Variants in ROBO1 observed in about 807,000 individuals in gnomAD.
ROBO1 encodes roundabout homolog 1.
A neutral mutation model predicts 195.9 loss-of-function variants in ROBO1; 149 were observed. The ratio of observed to expected loss-of-function variants is 0.76; its 90% CI spans 0.67 to 0.87. The LOEUF is 0.87. ROBO1 is among the 40% of genes least tolerant of loss of function. ROBO1 has a pLI of 0.00. For missense variants in ROBO1, 1,933 were observed against 2,068.3 expected, an observed-to-expected ratio of 0.93 and a Z score of 1.27; for synonymous variants, 816 against 733.2, an observed-to-expected ratio of 1.11 and a Z score of -1.82.
intron 3 of ROBO1, among the ~76,000 whole-genome samples, chr3:78,975,156 T>C (rs769789587): frequency 2.6e-4 from 40 of 152,286 alleles, no homozygotes; most frequent in Admixed American, 7.2e-4. Context: ...AAACGGGTCC[T>C]GCCTCTAAAA....
intron 2 of ROBO1, 42 bp from the exon 3 acceptor site, chr3:79,125,581 G>A (rs377435757): frequency 2.7e-6 from 4 of 1,473,994 alleles, no homozygotes; most frequent in East Asian, 2.3e-5. Flanking sequence ...GGTCACAGTA[G>A]TAACAGTAGT....
chr3:79,463,238 G>T (rs928331541), intron 2 of ROBO1, among the ~76,000 whole-genome samples: 1 of 152,106 alleles, frequency 6.6e-6, no homozygotes, highest in Admixed American at 6.5e-5. Context: ...AGCTGGGCGT[G>T]GTGGCGGGCG....
chr3:79,252,039 A>C (rs896463139), intron 2 of ROBO1, among the ~76,000 whole-genome samples: 16 of 152,032 alleles, frequency 1.1e-4, no homozygotes, highest in Non-Finnish European at 2.1e-4. Context: ...AAAAAAGAAC[A>C]ACCAATATGT....
In ROBO1 at chr3:78,617,761, C is replaced by T. The variant is rs777460645; in HGVS notation, c.4156G>A (p.Gly1386Arg). The change falls in exon 27 of 31, where the codon GGA (glycine) becomes AGA (arginine). Residue 1386 changes from glycine to arginine, a missense_variant. Gly to Arg is a moderately radical substitution (Grantham distance 125). Transcript: ENST00000464233. ...SASEEDNISS[G>R]RSSVSSSDGS... ...TCCGAAGAACTAACACTGGAGCGTC[C>T]GCTGGAAATGTTGTCCTCCTCTGAG... 3 of 1,613,922 alleles carry T rather than the reference C, an allele frequency of 1.9e-6. No homozygotes were observed. Among genetic ancestry groups the T allele is most frequent in the South Asian group, 1.1e-5 (1 of 91,088 alleles).
At chr3:79,354,915 C>G (rs1034007154) in intron 2 of ROBO1, among the ~76,000 whole-genome samples, 1 of 152,146 alleles carries the variant, frequency 6.6e-6, no homozygotes, top group South Asian at 2.1e-4. Flanking sequence ...CGCCTGTAAT[C>G]CCAACACTTT....
rs111983098 is a variant in ROBO1, at chr3:79,535,888, T to G, written c.88+53936A>C. Among the ~76,000 whole-genome samples, 1,019 of 152,226 alleles carry G rather than the reference T, an allele frequency of 6.7e-3. 10 individuals carry two copies. Among genetic ancestry groups the G allele is most frequent in the African/African-American group, 0.021 (863 of 41,548 alleles). ...TGAGGATTTTCTTCAAGAGGTTTTT[T>G]TTTGTTTGTTTGTTTTTGGTCTATA... On this transcript the variant is annotated intron_variant, in intron 2 of 30. Coordinates refer to ENST00000464233, the MANE Select transcript of ROBO1 (RefSeq NM_002941.4).
At chr3:78,606,359 G>A (rs1044162759) in intron 29 of ROBO1, among the ~76,000 whole-genome samples, 1 of 152,162 alleles carries the variant, frequency 6.6e-6, no homozygotes, top group Non-Finnish European at 1.5e-5. Context: ...TTTTTGTAAA[G>A]ATGGTCTCTG....
At chr3:79,607,602 G>GTTTT (rs58634211) in intron 1 of ROBO1, among the ~76,000 whole-genome samples, 2 of 147,632 alleles carry the variant, frequency 1.4e-5, no homozygotes, top group Non-Finnish European at 3.0e-5. Flanking sequence ...GTATTTCCAA[G>GTTTT]TTTTTTTTTT....
At chr3:79,354,905 C>T (rs994544295) in intron 2 of ROBO1, among the ~76,000 whole-genome samples, 2 of 152,156 alleles carry the variant, frequency 1.3e-5, no homozygotes, top group Admixed American at 1.3e-4. Flanking sequence ...TGGTGGCTCA[C>T]GCCTGTAATC....
At chr3:79,251,256 G>A (rs1047781788) in intron 2 of ROBO1, among the ~76,000 whole-genome samples, 1 of 152,128 alleles carries the variant, frequency 6.6e-6, no homozygotes, top group African/African-American at 2.4e-5. Context: ...ATCTTCAGAG[G>A]GGAGGGATAG....
At chr3:79,190,646 A>T (rs747684780) in intron 2 of ROBO1, among the ~76,000 whole-genome samples, 1 of 151,518 alleles carries the variant, frequency 6.6e-6, no homozygotes, top group East Asian at 1.9e-4. Flanking sequence ...TCCCCTGAAG[A>T]CCTTCTCTGT....
In ROBO1 at chr3:78,878,583, C is replaced by CAAAAA. The variant is rs35108863; in HGVS notation, c.499+60013_499+60017dup. Among the ~76,000 whole-genome samples, 20 of 46,328 alleles carry CAAAAA rather than the reference C, an allele frequency of 4.3e-4. 1 individual carries two copies. Among genetic ancestry groups the CAAAAA allele is most frequent in the South Asian group, 9.8e-4 (1 of 1,024 alleles). 30.4% of individuals were successfully genotyped at this position (46,328 alleles called of 152,430 possible). A position where few individuals can be genotyped will look rare whatever the true frequency, so the allele number is the denominator to read the frequency against. On this transcript the variant is annotated intron_variant, in intron 4 of 30. Coordinates refer to ENST00000464233, the MANE Select transcript of ROBO1 (RefSeq NM_002941.4). Reference sequence around the variant, plus strand: ...TGGGCAAAAGAGTGAAACCCCATCTCAAAAAAAAAAAAAAAAAAAAAAAAA... The same window carrying CAAAAA: ...TGGGCAAAAGAGTGAAACCCCATCTCAAAAAAAAAAAAAAAAAAAAAAAAAAAAAA...
intron 2 of ROBO1, among the ~76,000 whole-genome samples, chr3:79,333,805 A>G (rs2034547190): frequency 6.6e-6 from 1 of 152,192 alleles, no homozygotes; most frequent in Non-Finnish European, 1.5e-5. Flanking sequence ...AAAGTTGGTC[A>G]AGTTTCTCTT....
intron 28 of ROBO1, among the ~76,000 whole-genome samples, chr3:78,612,789 A>G (rs1703897869): frequency 6.6e-6 from 1 of 152,216 alleles, no homozygotes; most frequent in Non-Finnish European, 1.5e-5. Flanking sequence ...ACTTAGAGAA[A>G]ATAATTATTG....
chr3:79,220,923 A>G (rs1439467462), intron 2 of ROBO1, among the ~76,000 whole-genome samples: 1 of 152,032 alleles, frequency 6.6e-6, no homozygotes, highest in Non-Finnish European at 1.5e-5. Context: ...GATGTTTAGC[A>G]ACATTCCTAG....
chr3:79,419,199 G>A (rs191274280), intron 2 of ROBO1, among the ~76,000 whole-genome samples: 71 of 152,218 alleles, frequency 4.7e-4, no homozygotes, highest in African/African-American at 1.6e-3. Context: ...GAGAGAGGGA[G>A]AAACCAGCCA....
At position 78,922,605 on chromosome 3, in the gene ROBO1, CTTTTTTTTT is replaced by C. The variant is rs565147879; in HGVS notation, c.499+15987_499+15995del. Among the ~76,000 whole-genome samples, 3 of 123,166 alleles carry C rather than the reference CTTTTTTTTT, an allele frequency of 2.4e-5. No homozygotes were observed. In the South Asian group the frequency reaches 8.1e-4, roughly 33 times the overall value. The allele number at this position is 123,166 out of a possible 152,430, so 80.8% of individuals were successfully genotyped here. ...TTTTCTTCTTCTCCTTCTTCTTCTTCTTTTTTTTTTTTTTTTTTGACAGAGTCTCATTCT... is the reference window on the plus strand; with the variant it reads ...TTTTCTTCTTCTCCTTCTTCTTCTTCTTTTTTTTTGACAGAGTCTCATTCT... On this transcript the variant is annotated intron_variant, in intron 4 of 30. Transcript: ENST00000464233.
intron 1 of ROBO1, among the ~76,000 whole-genome samples, chr3:79,701,182 T>C (rs557781629): frequency 6.6e-6 from 1 of 151,904 alleles, no homozygotes; most frequent in South Asian, 2.1e-4. Flanking sequence ...CACTGGTTGA[T>C]ATGTCTGTCT....
chr3:79,346,331 C>T (rs2035118738), intron 2 of ROBO1, among the ~76,000 whole-genome samples: 1 of 151,934 alleles, frequency 6.6e-6, no homozygotes, highest in South Asian at 2.1e-4. Flanking sequence ...TTTCTAAATG[C>T]TATTTTCTGA....
Sources: allele counts gnomAD v4.1 joint callset (sites outside exome capture counted in the v4.1 genomes callset), GRCh38; gene constraint gnomAD v4.1.1; transcripts MANE v1.5; gene names NCBI Gene and HGNC (gene_info 2026-07-23, HGNC 2026-07-21).